The following ABCB9 variants were observed in gnomAD, a reference collection of about 807,000 sequenced individuals.
ABCB9 encodes ABC-type oligopeptide transporter ABCB9.
ABCB9 carries 36 observed loss-of-function variants against 62.0 expected under a neutral mutation model. That is an observed-to-expected ratio of 0.58 (90% CI 0.45 to 0.77). ABCB9 has a LOEUF of 0.77. ABCB9 is among the 30% of genes least tolerant of loss of function. The pLI is 0.00. For missense variants in ABCB9, 943 were observed against 1,054.7 expected (o/e 0.89, Z 1.47); for synonymous variants, 435 against 461.4 (o/e 0.94, Z 0.73).
At chr12:122,922,465 C>T (rs1292105032) in intron 11 of ABCB9, among the ~76,000 whole-genome samples, 3 of 150,366 alleles carry the variant, frequency 2.0e-5, no homozygotes, top group African/African-American at 4.9e-5. Context: ...TTGCAACCTC[C>T]GCCTCCCGGG....
chr12:122,934,194 G>C (rs1411451197), intron 10 of ABCB9, among the ~76,000 whole-genome samples: 1 of 152,178 alleles, frequency 6.6e-6, no homozygotes, highest in East Asian at 1.9e-4. Flanking sequence ...GTTGCAGTGA[G>C]GCAAGATTAC....
At chr12:122,923,078 G>T (rs544041137) in intron 11 of ABCB9, among the ~76,000 whole-genome samples, 1 of 151,512 alleles carries the variant, frequency 6.6e-6, no homozygotes, top group Non-Finnish European at 1.5e-5. Flanking sequence ...CCAAAGTACT[G>T]GGACTACAGT....
At chr12:122,939,002 T>G (rs796445866) in intron 9 of ABCB9, among the ~76,000 whole-genome samples, 36 of 152,148 alleles carry the variant, frequency 2.4e-4, no homozygotes, top group African/African-American at 8.7e-4. Flanking sequence ...TGAAACCCTG[T>G]CTGTACTAAA....
chr12:122,932,062 C>T lies in ABCB9; in HGVS notation c.2040+130G>A. On this transcript the variant is annotated intron_variant, in intron 11 of 11. Transcript: ENST00000280560. The surrounding 1 kb of genome is among the most constrained non-coding windows in gnomAD (Gnocchi z 4.7). ...ACTCTCAACACCAGGAATTCACCAG[C>T]CCAGGAGGCTGATAGTCTGGGAGAG... 3 of 1,489,072 alleles carry T rather than the reference C, an allele frequency of 2.0e-6. No individual in the cohort carries two copies. Among genetic ancestry groups the T allele is most frequent in the African/African-American group, 1.4e-5 (1 of 72,104 alleles). 92.2% of individuals were successfully genotyped at this position (1,489,072 alleles called of 1,614,324 possible). A position where few individuals can be genotyped will look rare whatever the true frequency, so the allele number is the denominator to read the frequency against.
downstream of ABCB9, among the ~76,000 whole-genome samples, chr12:122,926,724 CAAAA>C (rs59865125): frequency 9.4e-6 from 1 of 106,176 alleles, no homozygotes; most frequent in Non-Finnish European, 2.1e-5. Context: ...CCTGTCTCTA[CAAAA>C]AAAAAAAAAG....
intron 9 of ABCB9, among the ~76,000 whole-genome samples, chr12:122,936,136 A>G (rs1396690310): frequency 6.6e-6 from 1 of 152,230 alleles, no homozygotes; most frequent in Non-Finnish European, 1.5e-5. Context: ...AATGGAAACA[A>G]TCTAGGTGTC....
At chr12:122,950,711 G>T (rs949039904) in intron 2 of ABCB9, 146 bp from the exon 3 acceptor site, 1 of 671,618 alleles carries the variant, frequency 1.5e-6, no homozygotes, top group Non-Finnish European at 2.5e-6. Context: ...GCTGCCCATC[G>T]TGGGGCCCCA....
At chr12:122,972,169 C>G (rs570269366) in intron 1 of ABCB9, among the ~76,000 whole-genome samples, 1 of 151,382 alleles carries the variant, frequency 6.6e-6, no homozygotes, top group Non-Finnish European at 1.5e-5. Context: ...CTCAGCCTCC[C>G]GAGCAGCTGG....
At chr12:122,924,361 C>T (rs2135734702), downstream of ABCB9, among the ~76,000 whole-genome samples, 4 of 152,252 alleles carry the variant, frequency 2.6e-5, no homozygotes, top group South Asian at 8.3e-4. Flanking sequence ...TTCAATCATT[C>T]CTTTCTTTTT....
At position 122,929,752 on chromosome 12, in the gene ABCB9, C is replaced by A; in HGVS notation, c.*159G>T. 1 of 1,407,452 alleles carries A rather than the reference C, an allele frequency of 7.1e-7. No homozygotes were observed. The highest frequency in any genetic ancestry group is 9.2e-7 in the Non-Finnish European group (1 of 1,081,608). The allele number at this position is 1,407,452 out of a possible 1,614,324, so 87.2% of individuals were successfully genotyped here. On this transcript the variant is annotated 3_prime_UTR_variant, in exon 12 of 12. Transcript: ENST00000280560. This position sits in a 1 kb window ranked among gnomAD's most constrained non-coding sequence, Gnocchi z 6.0. The stretch of plus-strand genomic sequence containing the variant: ...GAGTGCCCTGGGAATGGGGCAGGGA[C>A]CAGGGGCAAGATGCAGGAAGCGGTG...
chr12:122,974,867 C>A (rs2037360157), exon 1 of ABCB9: 1 of 173,702 alleles, frequency 5.8e-6, no homozygotes, highest in African/African-American at 2.4e-5. Flanking sequence ...GCTCTTTAAA[C>A]TGTCCTCAGC....
rs1030029754 is a variant in ABCB9, at chr12:122,932,080, T to C, written c.2040+112A>G. 2.0e-6 allele frequency: 3 copies of C among 1,526,494 alleles called. No homozygotes were observed. The highest frequency in any genetic ancestry group is 2.6e-6 in the Non-Finnish European group (3 of 1,133,008). The allele number at this position is 1,526,494 out of a possible 1,614,324, so 94.6% of individuals were successfully genotyped here. ...TCACCAGCCCAGGAGGCTGATAGTC[T>C]GGGAGAGCTCCTGGGGCCCGTCTCT... On this transcript the variant is annotated intron_variant, in intron 11 of 11. Transcript: ENST00000280560. This position sits in a 1 kb window ranked among gnomAD's most constrained non-coding sequence, Gnocchi z 4.7.
At position 122,965,714 on chromosome 12, in the gene ABCB9, G is replaced by A. The variant is rs573839903; in HGVS notation, c.-88+573C>T. Among the ~76,000 whole-genome samples, 182 of 152,012 alleles carry A rather than the reference G, an allele frequency of 1.2e-3. 1 individual carries two copies. Among genetic ancestry groups the A allele is most frequent in the African/African-American group, 4.2e-3 (174 of 41,518 alleles). ...CTTAAAGCTGTCTCAGTTAATGTCA[G>A]GCCGGGGGAGGAGGCTTTTTTTTTT... is the stretch of plus-strand genomic sequence containing the variant. On this transcript the variant is annotated intron_variant, in intron 1 of 11. Coordinates refer to ENST00000280560, the MANE Select transcript of ABCB9 (RefSeq NM_019625.4).
intron 2 of ABCB9, 116 bp from the exon 3 acceptor site, chr12:122,950,681 T>C: frequency 1.2e-6 from 1 of 824,418 alleles, no homozygotes; most frequent in Non-Finnish European, 1.9e-6. Flanking sequence ...CGGTGGGCTT[T>C]CCTCCCTCGG....
downstream of ABCB9, among the ~76,000 whole-genome samples, chr12:122,928,485 A>G (rs76030876): frequency 5.3e-5 from 8 of 150,966 alleles, no homozygotes; most frequent in East Asian, 1.6e-3. Flanking sequence ...AAAAAAAAAA[A>G]TTGAAATACT....
At chr12:122,969,076 C>T (rs1328732073), upstream of ABCB9, among the ~76,000 whole-genome samples, 1 of 152,054 alleles carries the variant, frequency 6.6e-6, no homozygotes, top group Non-Finnish European at 1.5e-5. Flanking sequence ...ATGTCAGGTG[C>T]ACTGCAGGAG....
rs1306161453 is a variant in ABCB9, at chr12:122,932,132, G to C, written c.2040+60C>G. On this transcript the variant is annotated intron_variant, in intron 11 of 11. Coordinates refer to ENST00000280560, the MANE Select transcript of ABCB9 (RefSeq NM_019625.4). The surrounding 1 kb of genome is among the most constrained non-coding windows in gnomAD (Gnocchi z 4.7). ...CTCAGCATCCATCTGCTGGGCGATG[G>C]GGGCTCTGGCCACCTGGAGCCGCTC... 8 of 1,549,686 alleles carry C rather than the reference G, an allele frequency of 5.2e-6. No individual in the cohort carries two copies. The highest frequency in any genetic ancestry group is 7.0e-6 in the Non-Finnish European group (8 of 1,146,940).
intron 7 of ABCB9, among the ~76,000 whole-genome samples, chr12:122,943,426 G>A (rs57310784): frequency 0.053 from 8,108 of 152,196 alleles, 557 homozygotes; most frequent in African/African-American, 0.16. Flanking sequence ...GAGGCACTAC[G>A]CTGGAAGTAG....
In ABCB9 at chr12:122,935,298, A is replaced by T; in HGVS notation, c.1877T>A (p.Met626Lys). The T allele has an allele frequency of 6.2e-7, 1 of 1,612,502 alleles. No homozygotes were observed. The change falls in exon 10 of 12, where the codon ATG becomes AAG. Residue 626 changes from methionine (M) to lysine (K), a missense_variant. Physicochemically the swap from Met to Lys is moderately conservative, Grantham distance 95. Transcript: ENST00000280560. ...AQKANAHGFIMELQDGYSTET... is the reference protein window; with the variant it reads ...AQKANAHGFIKELQDGYSTET... ...TGTGCTGTAGCCGTCCTGGAGTTCC[A>T]TGATGAAGCCGTGGGCATTGGCCTT...
Sources: allele counts gnomAD v4.1 joint callset (sites outside exome capture counted in the v4.1 genomes callset), GRCh38; gene constraint gnomAD v4.1.1; non-coding constraint Gnocchi (gnomAD v3.1); transcripts MANE v1.5; gene names NCBI Gene and HGNC (gene_info 2026-07-23, HGNC 2026-07-21).